TCEA3: variants seen among roughly 807,000 people sequenced by gnomAD.
The protein encoded by TCEA3 is transcription elongation factor A protein 3.
Under a neutral mutation model 44.0 loss-of-function variants are expected in TCEA3, and 36 were observed. The ratio of observed to expected loss-of-function variants is 0.82; its 90% CI spans 0.63 to 1.08. TCEA3 has a LOEUF of 1.08. Among genes scored for constraint, TCEA3 ranks in the 50% least tolerant of loss-of-function variants. TCEA3 has a pLI of 0.00. For missense variants in TCEA3, 392 were observed against 441.2 expected, an observed-to-expected ratio of 0.89 and a Z score of 1.00; for synonymous variants, 162 against 159.7, an observed-to-expected ratio of 1.01 and a Z score of -0.11.
At chr1:23,410,364 G>A (rs1238794211) in intron 4 of TCEA3, among the ~76,000 whole-genome samples, 2 of 151,990 alleles carry the variant, frequency 1.3e-5, no homozygotes, top group South Asian at 2.1e-4. Context: ...GAAATACTCC[G>A]CAGTTATTGC....
intron 5 of TCEA3, among the ~76,000 whole-genome samples, chr1:23,405,171 G>T (rs1558052390): frequency 6.6e-6 from 1 of 152,174 alleles, no homozygotes; most frequent in Non-Finnish European, 1.5e-5. Flanking sequence ...TTGATCCCCA[G>T]AGAATGTTGA....
chr1:23,403,222 C>T (rs1282493736), intron 5 of TCEA3, among the ~76,000 whole-genome samples: 1 of 152,224 alleles, frequency 6.6e-6, no homozygotes, highest in Non-Finnish European at 1.5e-5. Context: ...TAATGGTGGT[C>T]GTTTTTGAAA....
At chr1:23,421,959 T>C (rs1463800117) in intron 1 of TCEA3, among the ~76,000 whole-genome samples, 1 of 152,194 alleles carries the variant, frequency 6.6e-6, no homozygotes, top group East Asian at 1.9e-4. Context: ...GCCTGGATTG[T>C]AGCTGGATAA....
At chr1:23,404,021 CT>C in intron 5 of TCEA3, 2 of 670,200 alleles carry the variant, frequency 3.0e-6, no homozygotes, top group South Asian at 3.1e-5. Flanking sequence ...CTTCCTTCTG[CT>C]CCCCGGATGT....
intron 4 of TCEA3, among the ~76,000 whole-genome samples, chr1:23,414,225 G>A (rs1639822823): frequency 6.6e-6 from 1 of 151,606 alleles, no homozygotes; most frequent in Admixed American, 6.6e-5. Flanking sequence ...CCAAGTAGCT[G>A]GAATTACAGG....
intron 1 of TCEA3, among the ~76,000 whole-genome samples, chr1:23,421,914 T>C (rs1238911595): frequency 6.6e-6 from 1 of 152,226 alleles, no homozygotes; most frequent in Non-Finnish European, 1.5e-5. Context: ...GTCACAGCTG[T>C]ATAACTGGGT....
intron 5 of TCEA3, among the ~76,000 whole-genome samples, chr1:23,402,200 T>A (rs1185058725): frequency 6.6e-6 from 1 of 152,056 alleles, no homozygotes; most frequent in South Asian, 2.1e-4. Context: ...ATTAGCTGGG[T>A]ATGGTGGCGC....
chr1:23,398,547 T>C (rs183278908), intron 5 of TCEA3, among the ~76,000 whole-genome samples: 43 of 152,352 alleles, frequency 2.8e-4, no homozygotes, highest in Admixed American at 6.5e-4. Context: ...TTAAAAGGGC[T>C]GGCTTTGCTA....
In TCEA3 at chr1:23,413,681, G is replaced by A. The variant is rs183972837; in HGVS notation, c.380+3568C>T. 1.5e-3 allele frequency among the ~76,000 whole-genome samples: 227 copies of A among 152,244 alleles called. 2 individuals are homozygous for A. Among genetic ancestry groups the A allele is most frequent in the African/African-American group, 5.1e-3 (210 of 41,550 alleles). On this transcript the variant is annotated intron_variant, in intron 4 of 10. Coordinates refer to ENST00000450454, the MANE Select transcript of TCEA3 (RefSeq NM_003196.3). ...ACTCCTGACCTCAAGTGATCTGCCC[G>A]CCTTGGCCTCCCAAAGTGCTGGGAT...
chr1:23,416,302 G>A (rs963668989), intron 4 of TCEA3, among the ~76,000 whole-genome samples: 9 of 151,960 alleles, frequency 5.9e-5, no homozygotes, highest in South Asian at 2.1e-4. Context: ...TACCGTACCC[G>A]GCCTTCCATT....
At chr1:23,382,158 T>TGCCTCAGCCTCCC (rs1203175376) in intron 10 of TCEA3, among the ~76,000 whole-genome samples, 45 of 152,014 alleles carry the variant, frequency 3.0e-4, no homozygotes, top group African/African-American at 1.0e-3. Flanking sequence ...GCGAGTCTCC[T>TGCCTCAGCCTCCC]GCCTCAGCCT....
intron 9 of TCEA3, among the ~76,000 whole-genome samples, chr1:23,386,175 C>T (rs183949280): frequency 1.3e-5 from 2 of 152,290 alleles, no homozygotes; most frequent in Non-Finnish European, 2.9e-5. Flanking sequence ...CCAAGGCTTG[C>T]CCTTCTCTCT....
intron 4 of TCEA3, among the ~76,000 whole-genome samples, chr1:23,413,668 A>G (rs1037683279): frequency 2.6e-5 from 4 of 152,100 alleles, no homozygotes; most frequent in Non-Finnish European, 4.4e-5. Context: ...TCCTGACCTC[A>G]AGTGATCTGC....
intron 8 of TCEA3, among the ~76,000 whole-genome samples, 195 bp downstream of exon 8, chr1:23,393,680 CACTT>C (rs762754468): frequency 1.4e-4 from 22 of 152,358 alleles, no homozygotes; most frequent in Admixed American, 2.6e-4. Context: ...TCGCTGAACA[CACTT>C]AGCACAGCAC....
Position 23,394,040 on chromosome 1 carries a change from C to T in TCEA3, c.665-7G>A. ...TTGAGCTCTTGGTAGATATGTGACA[C>T]AGTCAAGGGCCGGCCAGCCATTCAT... On this transcript the variant is annotated splice_polypyrimidine_tract_variant and splice_region_variant and intron_variant, in intron 7 of 10. Transcript: ENST00000450454. 1 of 1,613,806 alleles carries T rather than the reference C, an allele frequency of 6.2e-7. No homozygotes were observed. The highest frequency in any genetic ancestry group is 8.5e-7 in the Non-Finnish European group (1 of 1,179,740).
intron 8 of TCEA3, among the ~76,000 whole-genome samples, chr1:23,388,421 C>A (rs1638920462): frequency 6.6e-6 from 1 of 152,062 alleles, no homozygotes; most frequent in South Asian, 2.1e-4. Context: ...TGGTCTCGAT[C>A]TCCTGACCTT....
At chr1:23,397,983 T>TAAGTAA (rs1460316582) in intron 5 of TCEA3, 28 bp from the exon 6 acceptor site, 7 of 1,611,378 alleles carry the variant, frequency 4.3e-6, no homozygotes, top group Non-Finnish European at 5.9e-6. Flanking sequence ...TAACAGACAT[T>TAAGTAA]TGACATTAAG....
At chr1:23,422,618 G>T (rs1294468495) in intron 1 of TCEA3, among the ~76,000 whole-genome samples, 4 of 152,224 alleles carry the variant, frequency 2.6e-5, no homozygotes, top group Admixed American at 1.3e-4. Context: ...GACGCCCAGA[G>T]CTCCATGCCC....
intron 4 of TCEA3, among the ~76,000 whole-genome samples, chr1:23,416,579 T>A (rs889991873): frequency 3.9e-5 from 6 of 152,036 alleles, no homozygotes; most frequent in Non-Finnish European, 8.8e-5. Context: ...GCAACCTCCA[T>A]CTCCCGGGCA....
Sources: allele counts gnomAD v4.1 joint callset (sites outside exome capture counted in the v4.1 genomes callset), GRCh38; gene constraint gnomAD v4.1.1; transcripts MANE v1.5; gene names NCBI Gene and HGNC (gene_info 2026-07-23, HGNC 2026-07-21).